Variants in SAMMSON observed in about 807,000 individuals in gnomAD.
The protein encoded by SAMMSON is survival associated mitochondrial melanoma specific oncogenic non-coding RNA, also known as long intergenic non-protein coding RNA 1212.
At chr3:70,038,876 A>C (rs1323577901) in intron 3 of SAMMSON, among the ~76,000 whole-genome samples, 1 of 152,146 alleles carries the variant, frequency 6.6e-6, no homozygotes, top group East Asian at 1.9e-4. Context: ...AAACACAAAT[A>C]GAGGTTTGTG....
rs34480688 is a variant in SAMMSON, at chr3:70,245,671, T to TTATATATATA, written n.508-3401_508-3392dup. Among the ~76,000 whole-genome samples, 38 of 57,232 alleles carry TTATATATATA rather than the reference T, an allele frequency of 6.6e-4. 1 individual carries two copies. Among genetic ancestry groups the TTATATATATA allele is most frequent in the Non-Finnish European group, 1.1e-3 (31 of 29,264 alleles). 37.5% of individuals were successfully genotyped at this position (57,232 alleles called of 152,430 possible). ...TTGCATAACGTTTTTGCAAACTGCT[T>TTATATATATA]TATATATATATATATATATATATAT... On this transcript the variant is annotated intron_variant and non_coding_transcript_variant, in intron 4 of 9. Transcript: ENST00000642114.
intron 3 of SAMMSON, among the ~76,000 whole-genome samples, chr3:70,017,141 G>T (rs1160340612): frequency 6.6e-6 from 1 of 152,170 alleles, no homozygotes; most frequent in African/African-American, 2.4e-5. Flanking sequence ...TCGGTAGCTT[G>T]ATGGGGATGG....
At chr3:70,353,810 A>G (rs2106736217) in intron 7 of SAMMSON, among the ~76,000 whole-genome samples, 1 of 152,346 alleles carries the variant, frequency 6.6e-6, no homozygotes, top group Middle Eastern at 3.4e-3. Flanking sequence ...CCAAAACTGA[A>G]GACAACTCAG....
intron 7 of SAMMSON, among the ~76,000 whole-genome samples, chr3:70,297,524 G>A (rs1702301980): frequency 6.6e-6 from 1 of 152,056 alleles, no homozygotes; most frequent in Non-Finnish European, 1.5e-5. Context: ...ACAGAAATAT[G>A]AAGGCTTATT....
At chr3:70,346,289 G>A (rs775571929) in intron 7 of SAMMSON, among the ~76,000 whole-genome samples, 2 of 143,690 alleles carry the variant, frequency 1.4e-5, no homozygotes, top group Non-Finnish European at 3.0e-5. Context: ...ACTGAAATAT[G>A]TATTCAGATC....
intron 1 of SAMMSON, among the ~76,000 whole-genome samples, chr3:70,003,183 A>C (rs1332401750): frequency 1.3e-5 from 2 of 152,042 alleles, no homozygotes; most frequent in African/African-American, 4.8e-5. Flanking sequence ...TTTATATGGC[A>C]TGTATTTTTA....
chr3:70,404,342 C>A (rs1184481290), intron 2 of SAMMSON, among the ~76,000 whole-genome samples: 2 of 151,926 alleles, frequency 1.3e-5, no homozygotes, highest in Non-Finnish European at 2.9e-5. Flanking sequence ...TCAAATTTAG[C>A]CTATATAAAA....
At chr3:70,017,938 G>T (rs1024490997) in intron 3 of SAMMSON, among the ~76,000 whole-genome samples, 149 of 152,190 alleles carry the variant, frequency 9.8e-4, no homozygotes, top group African/African-American at 3.3e-3. Context: ...TGAAGCCCAC[G>T]TGATCATGGT....
chr3:70,078,415 T>A (rs904716997), intron 4 of SAMMSON, among the ~76,000 whole-genome samples: 3 of 152,006 alleles, frequency 2.0e-5, no homozygotes, highest in Non-Finnish European at 4.4e-5. Flanking sequence ...AGTCTCTGGG[T>A]GTGGAGTGGC....
In SAMMSON at chr3:70,325,601, T is replaced by C. The variant is rs1575626258; in HGVS notation, n.740-28574T>C. ...AGAAATTTTGAGACATTTACTTCCT[T>C]TGCCATTTGCTCATTTCAAATTCTA... is the stretch of plus-strand genomic sequence containing the variant. On this transcript the variant is annotated intron_variant and non_coding_transcript_variant, in intron 7 of 9. Coordinates refer to ENST00000642114, the Ensembl canonical transcript of SAMMSON. Among the ~76,000 whole-genome samples the C allele has an allele frequency of 2.6e-5, 4 of 152,298 alleles. No homozygotes were observed. In the South Asian group the frequency reaches 8.3e-4, roughly 32 times the overall value.
intron 4 of SAMMSON, among the ~76,000 whole-genome samples, chr3:70,189,667 A>G (rs1232637018): frequency 6.6e-6 from 1 of 152,244 alleles, no homozygotes; most frequent in Non-Finnish European, 1.5e-5. Context: ...AGGGTAATCA[A>G]GAATAGACAT....
At chr3:70,218,590 G>A (rs760780145) in intron 4 of SAMMSON, among the ~76,000 whole-genome samples, 1 of 152,092 alleles carries the variant, frequency 6.6e-6, no homozygotes, top group Non-Finnish European at 1.5e-5. Context: ...TTTCCTCAGA[G>A]TTTCTATAGT....
chr3:70,406,428 C>T (rs896650953), intron 2 of SAMMSON, among the ~76,000 whole-genome samples: 1 of 151,876 alleles, frequency 6.6e-6, no homozygotes, highest in Non-Finnish European at 1.5e-5. Flanking sequence ...TTAAAGGAGC[C>T]CAGACATGGT....
chr3:70,383,154 A>G (rs1216320028), intron 9 of SAMMSON, among the ~76,000 whole-genome samples: 1 of 152,030 alleles, frequency 6.6e-6, no homozygotes, highest in Non-Finnish European at 1.5e-5. Context: ...ATAGTTTTTC[A>G]TCTACTTTTT....
intron 7 of SAMMSON, among the ~76,000 whole-genome samples, chr3:70,316,271 C>A (rs986618411): frequency 1.3e-5 from 2 of 152,098 alleles, no homozygotes; most frequent in African/African-American, 4.8e-5. Flanking sequence ...GTTGCTATCA[C>A]GAGTCCTTTT....
chr3:70,155,247 G>C (rs1191940842), intron 4 of SAMMSON, among the ~76,000 whole-genome samples: 1 of 151,904 alleles, frequency 6.6e-6, no homozygotes, highest in Non-Finnish European at 1.5e-5. Flanking sequence ...CACGACTCTG[G>C]GGGTTGGGGT....
At chr3:70,018,833 T>G (rs1262549111) in intron 3 of SAMMSON, among the ~76,000 whole-genome samples, 1 of 152,252 alleles carries the variant, frequency 6.6e-6, no homozygotes, top group Non-Finnish European at 1.5e-5. Flanking sequence ...CTTCATTTCG[T>G]TATGGACTCA....
rs3081020 is a variant in SAMMSON, at chr3:70,383,347, T to TAAA, written n.914-6217_914-6215dup. 1.4e-3 allele frequency among the ~76,000 whole-genome samples: 198 copies of TAAA among 144,654 alleles called. 1 individual carries two copies. The highest frequency in any genetic ancestry group is 2.9e-3 in the East Asian group (14 of 4,912). The allele number at this position is 144,654 out of a possible 152,430, so 94.9% of individuals were successfully genotyped here. Reference sequence around the variant, plus strand: ...CAATTGTTTTCCCTTAAAATAAAAATAAAAAAAAAAAACAACCTTATGGTC... The same window carrying TAAA: ...CAATTGTTTTCCCTTAAAATAAAAATAAAAAAAAAAAAAAACAACCTTATGGTC... On this transcript the variant is annotated intron_variant and non_coding_transcript_variant, in intron 9 of 9. Transcript: ENST00000642114.
chr3:70,164,542 T>C (rs2067628954), intron 4 of SAMMSON, among the ~76,000 whole-genome samples: 1 of 152,004 alleles, frequency 6.6e-6, no homozygotes, highest in South Asian at 2.1e-4. Flanking sequence ...ACCAGCAAAA[T>C]TTTACCAGGT....
Sources: gnomAD v4.1 joint callset for allele counts (sites outside exome capture counted in the v4.1 genomes callset) on GRCh38, gnomAD v4.1.1 for gene constraint, MANE v1.5 for transcripts, NCBI Gene and HGNC (gene_info 2026-07-23, HGNC 2026-07-21) for gene names.